Variants in SMIM36 observed in about 807,000 individuals in gnomAD.
SMIM36 encodes the protein small integral membrane protein 36.
At chr17:55,518,754 G>C in the SMIM36 span, among the ~76,000 whole-genome samples, 3 of 152,120 alleles carry the variant, frequency 2.0e-5, no homozygotes, top group African/African-American at 4.8e-5. Context: ...CGAGCCCATG[G>C]GTTGTGAGTT....
intron 1 of SMIM36, among the ~76,000 whole-genome samples, chr17:55,485,489 A>C (rs1909589189): frequency 6.9e-6 from 1 of 145,900 alleles, no homozygotes; most frequent in Non-Finnish European, 1.5e-5. Flanking sequence ...AAGTCTCCCT[A>C]TGTTGCCCTG....
intron 4 of SMIM36, among the ~76,000 whole-genome samples, chr17:55,464,330 T>C (rs1241308502): frequency 1.3e-5 from 2 of 152,148 alleles, no homozygotes; most frequent in East Asian, 3.8e-4. Flanking sequence ...CCTAGGCCTT[T>C]CCTGAATTGA....
the SMIM36 span, among the ~76,000 whole-genome samples, chr17:55,526,009 G>A: frequency 8.5e-5 from 13 of 152,258 alleles, 1 homozygote; most frequent in South Asian, 2.7e-3. Flanking sequence ...AAAAACTGGA[G>A]ATAGAGAAAG....
At chr17:55,470,882 T>A (rs1322377338) in intron 3 of SMIM36, among the ~76,000 whole-genome samples, 2 of 152,040 alleles carry the variant, frequency 1.3e-5, no homozygotes, top group African/African-American at 4.8e-5. Flanking sequence ...CACTGGCCTG[T>A]TACAACATGG....
chr17:55,490,378 T>A (rs1195507663), intron 1 of SMIM36, among the ~76,000 whole-genome samples: 1 of 152,196 alleles, frequency 6.6e-6, no homozygotes, highest in South Asian at 2.1e-4. Flanking sequence ...GGGGGCTTTT[T>A]CTAGCTTTGA....
At chr17:55,523,311 C>T in the SMIM36 span, among the ~76,000 whole-genome samples, 1 of 152,082 alleles carries the variant, frequency 6.6e-6, no homozygotes, top group Non-Finnish European at 1.5e-5. Context: ...GTGGGCAGAT[C>T]ACGATGTCGG....
chr17:55,526,195 G>C, the SMIM36 span, among the ~76,000 whole-genome samples: 1 of 152,116 alleles, frequency 6.6e-6, no homozygotes, highest in African/African-American at 2.4e-5. Flanking sequence ...CCAGGCTGGA[G>C]TGCAGTGGTG....
intron 1 of SMIM36, among the ~76,000 whole-genome samples, chr17:55,491,898 A>G (rs746296897): frequency 5.3e-5 from 8 of 152,136 alleles, no homozygotes; most frequent in African/African-American, 1.9e-4. Context: ...GGTGGCTCAC[A>G]CCTGTATTCC....
At chr17:55,489,486 T>C (rs4793798) in intron 1 of SMIM36, among the ~76,000 whole-genome samples, 34,116 of 152,268 alleles carry the variant, frequency 0.22, 4,276 homozygotes, top group Non-Finnish European at 0.28. Flanking sequence ...CAGCCACTTA[T>C]AAAAGTTTTG....
rs35834283 is a variant in SMIM36, at chr17:55,508,928, C to CAAAAAAA, written c.*174+1944_*174+1950dup. ...ATAAGGGCAAGGCTCTGTCTCAGAA[C>CAAAAAAA]AAAAAAAAAAAAAAAAAAAAAAGTG... is the stretch of plus-strand genomic sequence containing the variant. On this transcript the variant is annotated intron_variant, in intron 1 of 4. Coordinates refer to ENST00000636752, the Ensembl canonical transcript of SMIM36. Among the ~76,000 whole-genome samples, 7 of 97,006 alleles carry CAAAAAAA rather than the reference C, an allele frequency of 7.2e-5. 1 individual carries two copies. The highest frequency in any genetic ancestry group is 1.9e-4 in the African/African-American group (5 of 26,096). The allele number at this position is 97,006 out of a possible 152,430, so 63.6% of individuals were successfully genotyped here.
At chr17:55,494,786 TTTTG>T (rs1192429343) in intron 1 of SMIM36, among the ~76,000 whole-genome samples, 2 of 152,096 alleles carry the variant, frequency 1.3e-5, no homozygotes, top group Non-Finnish European at 2.9e-5. Context: ...CTTTTGTATA[TTTTG>T]TTTGAACACA....
chr17:55,484,608 T>C (rs999298587), intron 1 of SMIM36, among the ~76,000 whole-genome samples: 6 of 152,200 alleles, frequency 3.9e-5, no homozygotes, highest in Non-Finnish European at 8.8e-5. Context: ...TCAAAAAAGA[T>C]GAGGCTGCAT....
At chr17:55,456,642 T>C (rs993151755) in intron 4 of SMIM36, among the ~76,000 whole-genome samples, 5 of 152,360 alleles carry the variant, frequency 3.3e-5, no homozygotes, top group Non-Finnish European at 5.9e-5. Flanking sequence ...AAACAGTCTG[T>C]TTAAGGGCCC....
chr17:55,512,960 G>A (rs1910207297), upstream of SMIM36, among the ~76,000 whole-genome samples: 1 of 152,200 alleles, frequency 6.6e-6, no homozygotes, highest in Non-Finnish European at 1.5e-5. Flanking sequence ...AGATGTTGTA[G>A]TATGGGGTTC....
intron 1 of SMIM36, 43 bp downstream of exon 1, chr17:55,510,836 T>G (rs763195994): frequency 1.8e-4 from 60 of 335,712 alleles, no homozygotes; most frequent in South Asian, 4.6e-4. Flanking sequence ...GCTGACAGTT[T>G]GCATTTGGAG....
chr17:55,478,071 C>G (rs1261479317), intron 3 of SMIM36, among the ~76,000 whole-genome samples: 1 of 151,790 alleles, frequency 6.6e-6, no homozygotes, highest in African/African-American at 2.4e-5. Context: ...TGGTATGCAC[C>G]TGTAGGGAGG....
chr17:55,454,943 C>G (rs1908989624), intron 4 of SMIM36, among the ~76,000 whole-genome samples: 1 of 152,108 alleles, frequency 6.6e-6, no homozygotes, highest in Non-Finnish European at 1.5e-5. Flanking sequence ...GGGCATTAGG[C>G]AATTTTGCAT....
At chr17:55,481,629 G>A (rs773345059) in intron 1 of SMIM36, among the ~76,000 whole-genome samples, 2 of 152,138 alleles carry the variant, frequency 1.3e-5, no homozygotes, top group Non-Finnish European at 2.9e-5. Flanking sequence ...TATCTAAAAT[G>A]TTTAAACTTC....
upstream of SMIM36, among the ~76,000 whole-genome samples, chr17:55,514,142 A>G (rs1176966471): frequency 6.6e-6 from 1 of 151,464 alleles, no homozygotes; most frequent in Non-Finnish European, 1.5e-5. Context: ...ACTGGGGCTA[A>G]CCTCACCCAT....
Sources: allele counts gnomAD v4.1 joint callset (sites outside exome capture counted in the v4.1 genomes callset), GRCh38; gene constraint gnomAD v4.1.1; transcripts MANE v1.5; gene names NCBI Gene and HGNC (gene_info 2026-07-23, HGNC 2026-07-21).